SEZ6: variants seen among roughly 807,000 people sequenced by gnomAD.
SEZ6 encodes the protein seizure related 6 homolog, also known as seizure protein 6 homolog.
SEZ6 carries 53 observed loss-of-function variants against 101.0 expected under a neutral mutation model. The observed-to-expected ratio is 0.52, with a 90% CI of 0.42 to 0.66. The LOEUF is 0.66. Ranked by LOEUF, SEZ6 falls within the 30% of genes least tolerant of loss-of-function variation. The pLI, the probability that SEZ6 is intolerant of heterozygous loss-of-function variation, is 0.00. For synonymous variants in SEZ6, 488 were observed against 512.2 expected, an observed-to-expected ratio of 0.95 and a Z score of 0.64; for missense variants, 1,102 against 1,289.4, an observed-to-expected ratio of 0.85 and a Z score of 2.23.
intron 1 of SEZ6, among the ~76,000 whole-genome samples, chr17:28,993,603 G>A (rs1291654389): frequency 6.6e-6 from 1 of 152,050 alleles, no homozygotes; most frequent in Non-Finnish European, 1.5e-5. Context: ...GAAGTTGGGG[G>A]ACAGGGGTTG....
At chr17:29,002,670 C>G (rs1006241685) in intron 1 of SEZ6, among the ~76,000 whole-genome samples, 2 of 152,056 alleles carry the variant, frequency 1.3e-5, no homozygotes, top group Non-Finnish European at 2.9e-5. Flanking sequence ...TTCCTGATCC[C>G]GAAGTGCCAG....
chr17:28,986,479 A>G (rs868576540), intron 1 of SEZ6, among the ~76,000 whole-genome samples: 7 of 152,306 alleles, frequency 4.6e-5, no homozygotes, highest in South Asian at 2.1e-4. Context: ...GGCGTGTTCT[A>G]GCGTCCAGCT....
intron 1 of SEZ6, among the ~76,000 whole-genome samples, chr17:28,993,214 G>A (rs34039488): frequency 0.16 from 23,967 of 152,098 alleles, 2,109 homozygotes; most frequent in South Asian, 0.33. Flanking sequence ...AGAGTCCTAG[G>A]TAGGGCTGGA....
At position 29,004,737 on chromosome 17, in the gene SEZ6, G is replaced by T. The variant is rs964022705; in HGVS notation, c.55+1078C>A. ...GATGGCAGGTCTCAACTCCAAGTGC[G>T]GTTCTGCCGACCCTACCAGCCTACT... On this transcript the variant is annotated intron_variant, in intron 1 of 16. Transcript: ENST00000317338. Among the ~76,000 whole-genome samples the T allele has an allele frequency of 3.3e-5, 5 of 152,154 alleles. No individual in the cohort carries two copies. In the East Asian group the frequency reaches 9.6e-4, roughly 29 times the overall value.
Position 29,005,957 on chromosome 17 carries a change from T to C in SEZ6, c.-88A>G. The C allele has an allele frequency of 2.5e-6, 3 of 1,187,530 alleles. No individual in the cohort carries two copies. Among genetic ancestry groups the C allele is most frequent in the Non-Finnish European group, 3.2e-6 (3 of 930,376 alleles). The allele number at this position is 1,187,530 out of a possible 1,614,324, so 73.6% of individuals were successfully genotyped here. ...GCTTGGGCGCGGGGGCAGAGCCGGG[T>C]CCGGCCGGGTAGAGGGAGCGGGGCC... is the stretch of plus-strand genomic sequence containing the variant. On this transcript the variant is annotated 5_prime_UTR_variant, in exon 1 of 17. Coordinates refer to ENST00000317338, the MANE Select transcript of SEZ6 (RefSeq NM_178860.5). The surrounding 1 kb of genome is among the most constrained non-coding windows in gnomAD (Gnocchi z 4.8).
chr17:28,996,190 C>T (rs1340089507), intron 1 of SEZ6, among the ~76,000 whole-genome samples: 1 of 152,022 alleles, frequency 6.6e-6, no homozygotes, highest in Non-Finnish European at 1.5e-5. Flanking sequence ...TTAGCTCCAG[C>T]CTTATTTCCA....
intron 4 of SEZ6, among the ~76,000 whole-genome samples, chr17:28,966,612 T>A (rs2041073024): frequency 6.6e-6 from 1 of 152,136 alleles, no homozygotes; most frequent in South Asian, 2.1e-4. Context: ...GTGAGGACTG[T>A]CTAGACTGAA....
chr17:28,955,497 A>G lies in SEZ6; in HGVS notation c.*465T>C. The G allele has an allele frequency of 2.5e-6, 1 of 396,520 alleles. No individual in the cohort carries two copies. Among genetic ancestry groups the G allele is most frequent in the Non-Finnish European group, 5.1e-6 (1 of 195,536 alleles). The allele number at this position is 396,520 out of a possible 1,614,324, so 24.6% of individuals were successfully genotyped here. Reference sequence around the variant, plus strand: ...CAGGACTACCCAGAGGTCACCGTTGAGAGGAGTTTTGGCCATTGGTGATGG... The same window carrying G: ...CAGGACTACCCAGAGGTCACCGTTGGGAGGAGTTTTGGCCATTGGTGATGG... On this transcript the variant is annotated 3_prime_UTR_variant, in exon 17 of 17. Transcript: ENST00000317338.
chr17:28,982,354 A>T (rs2041320588), intron 1 of SEZ6, among the ~76,000 whole-genome samples: 1 of 152,196 alleles, frequency 6.6e-6, no homozygotes, highest in Non-Finnish European at 1.5e-5. Context: ...ACGAGGTCAC[A>T]CCTGACACCT....
chr17:28,979,843 T>A (rs756056408), intron 2 of SEZ6, 30 bp from the exon 3 acceptor site: 1 of 1,587,206 alleles, frequency 6.3e-7, no homozygotes, highest in Non-Finnish European at 8.6e-7. Flanking sequence ...ACAAAGCTAG[T>A]GCCAGCTCTG....
intron 3 of SEZ6, among the ~76,000 whole-genome samples, chr17:28,971,081 C>T (rs1465445708): frequency 6.6e-6 from 1 of 152,188 alleles, no homozygotes; most frequent in East Asian, 1.9e-4. Flanking sequence ...GGACTCTGCC[C>T]AGAGGGAAAT....
At chr17:28,982,512 C>G (rs2041323242) in intron 1 of SEZ6, among the ~76,000 whole-genome samples, 1 of 152,224 alleles carries the variant, frequency 6.6e-6, no homozygotes, top group African/African-American at 2.4e-5. Flanking sequence ...GTGTCTCCCA[C>G]CACAGTGTCT....
intron 5 of SEZ6, among the ~76,000 whole-genome samples, chr17:28,961,252 G>T: frequency 6.6e-6 from 1 of 152,212 alleles, no homozygotes; most frequent in Non-Finnish European, 1.5e-5. Context: ...ATCACTGCCT[G>T]GTTGTGTGCC....
chr17:28,955,800 G>A lies in SEZ6; in HGVS notation c.*162C>T, dbSNP rs969129361. On this transcript the variant is annotated 3_prime_UTR_variant, in exon 17 of 17. Coordinates refer to ENST00000317338, the MANE Select transcript of SEZ6 (RefSeq NM_178860.5). ...AAGAAAATAGGCCATGGTGGGCATCGCAGGCGGGGAAGGGCACAACTTCTT... is the reference window on the plus strand; with the variant it reads ...AAGAAAATAGGCCATGGTGGGCATCACAGGCGGGGAAGGGCACAACTTCTT... The A allele has an allele frequency of 8.4e-6, 7 of 831,890 alleles. No individual in the cohort carries two copies. The highest frequency in any genetic ancestry group is 1.4e-5 in the Non-Finnish European group (7 of 496,232). The allele number at this position is 831,890 out of a possible 1,614,324, so 51.5% of individuals were successfully genotyped here. A position where few individuals can be genotyped will look rare whatever the true frequency, so the allele number is the denominator to read the frequency against.
intron 1 of SEZ6, among the ~76,000 whole-genome samples, chr17:29,001,107 A>G (rs1332364921): frequency 6.6e-6 from 1 of 152,196 alleles, no homozygotes; most frequent in Non-Finnish European, 1.5e-5. Flanking sequence ...TACAGTTGGG[A>G]TAATTGGCCA....
rs1406905829 is a variant in SEZ6, at chr17:28,957,103, G to A, written c.2634C>T (p.Ile878=). The A allele has an allele frequency of 1.9e-6, 3 of 1,612,670 alleles. No homozygotes were observed. In the South Asian group the frequency reaches 3.3e-5, roughly 18 times the overall value. The change falls in exon 13 of 17, where the codon ATC becomes ATT. Residue 878 remains isoleucine, a synonymous_variant. Coordinates refer to ENST00000317338, the MANE Select transcript of SEZ6 (RefSeq NM_178860.5). ...GCGAGGGGTGCCCAGGCACACACTT[G>A]ATGCTGGCCTGGCCCTTCAGCACAT... The part of the protein sequence containing the change: ...PGYVLKGQAS[I]KCVPGHPSHW...
At chr17:29,004,582 C>G (rs903338575) in intron 1 of SEZ6, among the ~76,000 whole-genome samples, 1 of 152,328 alleles carries the variant, frequency 6.6e-6, no homozygotes, top group South Asian at 2.1e-4. Flanking sequence ...AGAAAACTGC[C>G]GTCCGGGGGC....
intron 4 of SEZ6, among the ~76,000 whole-genome samples, chr17:28,967,198 A>T (rs769555746): frequency 3.5e-4 from 53 of 152,202 alleles, no homozygotes; most frequent in Non-Finnish European, 6.8e-4. Context: ...TAATAATAGC[A>T]CCTCACATCT....
intron 3 of SEZ6, among the ~76,000 whole-genome samples, chr17:28,977,025 C>A (rs553807420): frequency 6.6e-6 from 1 of 152,224 alleles, no homozygotes; most frequent in Non-Finnish European, 1.5e-5. Flanking sequence ...CAGTGCCCAG[C>A]GCAGAGCATG....
Sources: gnomAD v4.1 joint callset for allele counts (sites outside exome capture counted in the v4.1 genomes callset) on GRCh38, gnomAD v4.1.1 for gene constraint, Gnocchi (gnomAD v3.1) non-coding constraint, MANE v1.5 for transcripts, NCBI Gene and HGNC (gene_info 2026-07-23, HGNC 2026-07-21) for gene names.